CGNL1: variants seen among roughly 807,000 people sequenced by gnomAD.
CGNL1 encodes the protein cingulin-like protein 1.
A neutral mutation model predicts 141.2 loss-of-function variants in CGNL1; 132 were observed. That is an observed-to-expected ratio of 0.93 (90% CI 0.81 to 1.08). The LOEUF is 1.08. CGNL1 is among the 50% of genes least tolerant of loss of function. CGNL1 has a pLI of 0.00. For synonymous variants in CGNL1, 690 were observed against 622.1 expected (o/e 1.11, Z -1.63); for missense variants, 1,870 against 1,588.6 (o/e 1.18, Z -3.01).
intron 12 of CGNL1, among the ~76,000 whole-genome samples, chr15:57,525,788 G>A (rs2031573248): frequency 6.6e-6 from 1 of 152,058 alleles, no homozygotes; most frequent in Non-Finnish European, 1.5e-5. Context: ...ACTCTTGAAA[G>A]GCCCCTGATA....
At chr15:57,421,182 A>G (rs2062910717) in intron 1 of CGNL1, among the ~76,000 whole-genome samples, 1 of 152,238 alleles carries the variant, frequency 6.6e-6, no homozygotes, top group Admixed American at 6.5e-5. Flanking sequence ...CCTGCAAGCC[A>G]GGAAGAGAGC....
At chr15:57,446,638 C>T (rs1339495765) in intron 4 of CGNL1, among the ~76,000 whole-genome samples, 1 of 145,950 alleles carries the variant, frequency 6.9e-6, no homozygotes, top group African/African-American at 2.5e-5. Flanking sequence ...TATTTAGCTG[C>T]TAGGTGTAAT....
At chr15:57,422,145 G>A (rs1477667298) in intron 1 of CGNL1, among the ~76,000 whole-genome samples, 2 of 151,358 alleles carry the variant, frequency 1.3e-5, no homozygotes, top group African/African-American at 4.9e-5. Flanking sequence ...CCTGCCAGAG[G>A]GTAATTTTTC....
Position 57,548,999 on chromosome 15 carries a change from T to C in CGNL1, c.*1509T>C, listed in dbSNP as rs1458248654. 1 of 152,424 alleles carries C rather than the reference T, an allele frequency of 6.6e-6. No individual in the cohort carries two copies. Among genetic ancestry groups the C allele is most frequent in the Non-Finnish European group, 1.5e-5 (1 of 68,230 alleles). The allele number at this position is 152,424 out of a possible 1,614,324, so 9.4% of individuals were successfully genotyped here. On this transcript the variant is annotated 3_prime_UTR_variant, in exon 19 of 19. Coordinates refer to ENST00000281282, the MANE Select transcript of CGNL1 (RefSeq NM_032866.5). ...CAGAAGTCAGGCAGAGGCGTGTCTG[T>C]GCAAACTGGAGGACTCCTTCCAACT...
intron 1 of CGNL1, among the ~76,000 whole-genome samples, chr15:57,402,419 T>C (rs1247025507): frequency 1.3e-5 from 2 of 152,190 alleles, no homozygotes; most frequent in Non-Finnish European, 2.9e-5. Flanking sequence ...CTTTTCTTTA[T>C]AAATTACACA....
chr15:57,516,653 C>A, intron 8 of CGNL1, 127 bp from the exon 9 acceptor site: 2 of 976,558 alleles, frequency 2.0e-6, no homozygotes, highest in Non-Finnish European at 1.5e-6. Context: ...TTTGCCGACC[C>A]CTGGCTCAGC....
intron 2 of CGNL1, among the ~76,000 whole-genome samples, chr15:57,440,106 T>C (rs2063166238): frequency 1.7e-5 from 2 of 116,962 alleles, no homozygotes; most frequent in African/African-American, 2.9e-5. Flanking sequence ...ATTGATAAAA[T>C]GGTAAAAAAA....
chr15:57,515,827 A>G (rs2030728818), intron 8 of CGNL1, among the ~76,000 whole-genome samples: 1 of 152,128 alleles, frequency 6.6e-6, no homozygotes, highest in South Asian at 2.1e-4. Context: ...CATGAAAAAA[A>G]TCTGTACTCC....
chr15:57,470,007 C>T (rs952638921), intron 8 of CGNL1, among the ~76,000 whole-genome samples: 13 of 152,292 alleles, frequency 8.5e-5, no homozygotes, highest in Admixed American at 5.9e-4. Context: ...CCAAGGGAGC[C>T]AGGTTAGCTA....
At chr15:57,401,940 T>G (rs755919720) in intron 1 of CGNL1, 1 of 152,230 alleles carries the variant, frequency 6.6e-6, no homozygotes, top group Non-Finnish European at 1.5e-5. Context: ...GACTGACTTC[T>G]ATGGACAATG....
chr15:57,528,160 G>A (rs1487337794), intron 12 of CGNL1, among the ~76,000 whole-genome samples: 1 of 152,022 alleles, frequency 6.6e-6, no homozygotes, highest in African/African-American at 2.4e-5. Context: ...GGGAGGCTGA[G>A]GCAGGAGAAT....
Position 57,469,082 on chromosome 15 carries a change from T to C in CGNL1, c.2403+7190T>C, listed in dbSNP as rs28525521. ...AAAATGGACTAATACAGAGACCTAA[T>C]GTGGGGACATTACTTGGTGGTGGTG... On this transcript the variant is annotated intron_variant, in intron 8 of 18. Coordinates refer to ENST00000281282, the MANE Select transcript of CGNL1 (RefSeq NM_032866.5). Among the ~76,000 whole-genome samples, 281 of 152,172 alleles carry C rather than the reference T, an allele frequency of 1.8e-3. 2 individuals carry two copies. The highest frequency in any genetic ancestry group is 6.5e-3 in the African/African-American group (271 of 41,518).
intron 12 of CGNL1, chr15:57,527,096 T>C (rs1219934344): frequency 6.6e-6 from 1 of 152,220 alleles, no homozygotes; most frequent in African/African-American, 2.4e-5. Context: ...TAGCACATCC[T>C]CTGTATCCAG....
intron 8 of CGNL1, among the ~76,000 whole-genome samples, chr15:57,463,257 G>T (rs1228643305): frequency 2.6e-5 from 4 of 152,132 alleles, no homozygotes; most frequent in African/African-American, 7.2e-5. Flanking sequence ...AAGCTTCCAG[G>T]TTCTCTACTG....
intron 8 of CGNL1, among the ~76,000 whole-genome samples, chr15:57,472,014 G>A (rs368583527): frequency 6.6e-6 from 1 of 151,996 alleles, no homozygotes; most frequent in Admixed American, 6.6e-5. Context: ...GAGGCAGGAA[G>A]ATCACTTGCG....
intron 1 of CGNL1, among the ~76,000 whole-genome samples, chr15:57,427,457 C>T (rs1330629478): frequency 6.6e-6 from 1 of 152,230 alleles, no homozygotes; most frequent in East Asian, 1.9e-4. Context: ...GTTTGTGAAT[C>T]GATGACGCCC....
At chr15:57,470,085 C>T (rs1292149396) in intron 8 of CGNL1, among the ~76,000 whole-genome samples, 4 of 152,128 alleles carry the variant, frequency 2.6e-5, no homozygotes, top group African/African-American at 4.8e-5. Context: ...CCCTGAATGA[C>T]GGCTACTGAG....
chr15:57,516,521 C>T (rs548993081), intron 8 of CGNL1, among the ~76,000 whole-genome samples: 1 of 152,312 alleles, frequency 6.6e-6, no homozygotes, highest in South Asian at 2.1e-4. Flanking sequence ...AACCACTCGG[C>T]CCTGCTGTTG....
chr15:57,512,587 A>T (rs1418252634), intron 8 of CGNL1, among the ~76,000 whole-genome samples: 2 of 152,226 alleles, frequency 1.3e-5, no homozygotes, highest in African/African-American at 4.8e-5. Flanking sequence ...GAAAGTTAAG[A>T]TTGGAATAAA....
Sources: gnomAD v4.1 joint callset for allele counts (sites outside exome capture counted in the v4.1 genomes callset) on GRCh38, gnomAD v4.1.1 for gene constraint, MANE v1.5 for transcripts, NCBI Gene and HGNC (gene_info 2026-07-23, HGNC 2026-07-21) for gene names.